SPOCK3: variants seen among roughly 807,000 people sequenced by gnomAD.
SPOCK3 encodes testican-3.
In SPOCK3, 30 loss-of-function variants were observed where a neutral mutation model predicts 56.6. The ratio of observed to expected loss-of-function variants is 0.53; its 90% CI spans 0.40 to 0.72. The LOEUF (loss-of-function observed/expected upper bound fraction) is 0.72, where lower values mean the gene tolerates loss of function less well. SPOCK3 is among the 30% of genes least tolerant of loss of function. SPOCK3 has a pLI of 0.00. For missense variants in SPOCK3, 527 were observed against 530.0 expected, an observed-to-expected ratio of 0.99 and a Z score of 0.06; for synonymous variants, 196 against 183.3, an observed-to-expected ratio of 1.07 and a Z score of -0.56.
intron 6 of SPOCK3, among the ~76,000 whole-genome samples, chr4:166,793,619 TG>T (rs1169055885): frequency 6.6e-6 from 1 of 151,948 alleles, no homozygotes; most frequent in Non-Finnish European, 1.5e-5. Flanking sequence ...GTACCTGGTA[TG>T]GTGGGATGAC....
At chr4:166,870,417 A>G (rs899684772) in intron 6 of SPOCK3, among the ~76,000 whole-genome samples, 1 of 152,054 alleles carries the variant, frequency 6.6e-6, no homozygotes, top group Non-Finnish European at 1.5e-5. Flanking sequence ...TTCTTCTAAA[A>G]TGTGCATGGA....
At chr4:167,094,027 G>T (rs2150314016) in intron 2 of SPOCK3, among the ~76,000 whole-genome samples, 1 of 152,212 alleles carries the variant, frequency 6.6e-6, no homozygotes, top group Middle Eastern at 3.4e-3. Flanking sequence ...TTCTTAAACT[G>T]CATCTGCCAC....
At chr4:167,117,520 G>A (rs1761529027) in intron 2 of SPOCK3, among the ~76,000 whole-genome samples, 1 of 152,166 alleles carries the variant, frequency 6.6e-6, no homozygotes, top group Admixed American at 6.5e-5. Flanking sequence ...CACCCACGTA[G>A]TACACAGACC....
At chr4:166,765,283 T>C (rs1198660235) in intron 7 of SPOCK3, among the ~76,000 whole-genome samples, 1 of 152,182 alleles carries the variant, frequency 6.6e-6, no homozygotes, top group Non-Finnish European at 1.5e-5. Flanking sequence ...CTGAATGGTA[T>C]TGCCTAGGTT....
At chr4:166,871,237 A>G (rs1255652888) in intron 6 of SPOCK3, among the ~76,000 whole-genome samples, 2 of 152,132 alleles carry the variant, frequency 1.3e-5, no homozygotes, top group Non-Finnish European at 1.5e-5. Flanking sequence ...AACTAAAACA[A>G]TAAATCAATA....
chr4:166,855,596 A>C (rs1317877043), intron 6 of SPOCK3, among the ~76,000 whole-genome samples: 1 of 150,300 alleles, frequency 6.7e-6, no homozygotes, highest in Non-Finnish European at 1.5e-5. Context: ...AGGAAAAAAG[A>C]AAAAAAACAA....
At chr4:167,232,376 G>C (rs908289526) in intron 2 of SPOCK3, among the ~76,000 whole-genome samples, 10 of 147,364 alleles carry the variant, frequency 6.8e-5, no homozygotes, top group African/African-American at 2.5e-4. Context: ...AAAACAAATA[G>C]AAAACAGCAT....
intron 4 of SPOCK3, among the ~76,000 whole-genome samples, chr4:166,980,464 A>G (rs1321391147): frequency 6.6e-6 from 1 of 152,220 alleles, no homozygotes; most frequent in East Asian, 1.9e-4. Context: ...TGGTGGTATC[A>G]GCCTTTGCCC....
At chr4:167,206,734 T>C (rs2110994463) in intron 2 of SPOCK3, among the ~76,000 whole-genome samples, 1 of 152,226 alleles carries the variant, frequency 6.6e-6, no homozygotes, top group Admixed American at 6.6e-5. Context: ...TTCTTTTTTC[T>C]TTTGTTTTGT....
In SPOCK3 at chr4:166,984,321, A is replaced by T. The variant is rs527830345; in HGVS notation, c.350+16028T>A. The stretch of plus-strand genomic sequence containing the variant: ...GAACCAAGGCGAATTAGGAATTAGG[A>T]TATAAAACATCGAAAACAATACAAC... On this transcript the variant is annotated intron_variant, in intron 4 of 10. Transcript: ENST00000357545. Among the ~76,000 whole-genome samples, 187 of 152,230 alleles carry T rather than the reference A, an allele frequency of 1.2e-3. 1 individual carries two copies. The highest frequency in any genetic ancestry group is 2.4e-3 in the Admixed American group (37 of 15,286).
intron 4 of SPOCK3, among the ~76,000 whole-genome samples, chr4:166,968,899 G>T (rs1303943383): frequency 6.6e-6 from 1 of 152,190 alleles, no homozygotes; most frequent in Non-Finnish European, 1.5e-5. Flanking sequence ...CATTAAAGAA[G>T]CCAAGGAGGC....
At chr4:166,988,150 G>A (rs1418535922) in intron 4 of SPOCK3, among the ~76,000 whole-genome samples, 6 of 152,048 alleles carry the variant, frequency 3.9e-5, no homozygotes, top group African/African-American at 1.4e-4. Flanking sequence ...GAGAACACAA[G>A]CTGATGGATT....
At chr4:167,085,152 C>T (rs931580316) in intron 2 of SPOCK3, among the ~76,000 whole-genome samples, 1 of 151,022 alleles carries the variant, frequency 6.6e-6, no homozygotes, top group Admixed American at 6.6e-5. Flanking sequence ...TTCATTCCTC[C>T]CTTGTCTGAT....
chr4:167,141,244 G>A (rs1050446123), intron 2 of SPOCK3, among the ~76,000 whole-genome samples: 3 of 151,876 alleles, frequency 2.0e-5, no homozygotes, highest in Admixed American at 6.6e-5. Context: ...ATGAGATGTT[G>A]TACAGTCATA....
At chr4:166,878,349 G>A (rs866371522) in intron 6 of SPOCK3, among the ~76,000 whole-genome samples, 1 of 151,996 alleles carries the variant, frequency 6.6e-6, no homozygotes, top group Admixed American at 6.6e-5. Context: ...ATGTTTACTT[G>A]TTGGCATCTC....
chr4:166,814,491 T>C (rs1012988306), intron 6 of SPOCK3, among the ~76,000 whole-genome samples: 1 of 152,052 alleles, frequency 6.6e-6, no homozygotes, highest in African/African-American at 2.4e-5. Flanking sequence ...ACAAAGCAGG[T>C]AGGAAAAGGT....
intron 2 of SPOCK3, among the ~76,000 whole-genome samples, chr4:167,088,807 T>TA (rs959490475): frequency 3.7e-4 from 56 of 152,082 alleles, no homozygotes; most frequent in African/African-American, 1.1e-3. Context: ...TTGTATACTA[T>TA]AAAAAAATCC....
chr4:167,224,476 G>A (rs1382888690), intron 2 of SPOCK3, among the ~76,000 whole-genome samples: 2 of 152,064 alleles, frequency 1.3e-5, no homozygotes, highest in Non-Finnish European at 2.9e-5. Context: ...TTAAGAGAAT[G>A]CTGTGGAAAA....
At chr4:167,042,140 T>C (rs1753282841) in intron 3 of SPOCK3, among the ~76,000 whole-genome samples, 2 of 152,184 alleles carry the variant, frequency 1.3e-5, no homozygotes, top group African/African-American at 4.8e-5. Context: ...CCTTTAGCAC[T>C]GGCAGAGAAT....
Sources: gnomAD v4.1 joint callset for allele counts (sites outside exome capture counted in the v4.1 genomes callset) on GRCh38, gnomAD v4.1.1 for gene constraint, MANE v1.5 for transcripts, NCBI Gene and HGNC (gene_info 2026-07-23, HGNC 2026-07-21) for gene names.